Variants in ASNS observed in about 807,000 individuals in gnomAD.
ASNS encodes the protein asparagine synthetase (glutamine-hydrolyzing).
Under a neutral mutation model 62.6 loss-of-function variants are expected in ASNS, and 37 were observed. The ratio of observed to expected loss-of-function variants is 0.59; its 90% CI spans 0.45 to 0.78. ASNS has a LOEUF of 0.78. ASNS is among the 30% of genes least tolerant of loss of function. The pLI, the probability that ASNS is intolerant of heterozygous loss-of-function variation, is 0.00. For missense variants in ASNS, 520 were observed against 682.4 expected (o/e 0.76, Z 2.65); for synonymous variants, 207 against 237.9 (o/e 0.87, Z 1.19).
At chr7:97,857,729 C>G (rs781259973) in intron 7 of ASNS, among the ~76,000 whole-genome samples, 1 of 152,004 alleles carries the variant, frequency 6.6e-6, no homozygotes, top group African/African-American at 2.4e-5. Flanking sequence ...GACCTCCCCC[C>G]ACAGCCTCCC....
In ASNS at chr7:97,868,284, G is replaced by T. The variant is rs1986082; in HGVS notation, c.249+624C>A. ...GATCGCACCACTGCACTCCAGCCTG[G>T]GTGACAGAATGAGACTCTGTCTCAA... On this transcript the variant is annotated intron_variant, in intron 3 of 12. Transcript: ENST00000394308. Among the ~76,000 whole-genome samples the T allele has an allele frequency of 4.6e-5, 7 of 151,960 alleles. No individual in the cohort carries two copies. The South Asian group carries it at 1.0e-3, about 23-fold the overall frequency.
chr7:97,875,678 C>T (rs1167310896), upstream of ASNS, among the ~76,000 whole-genome samples: 2 of 152,186 alleles, frequency 1.3e-5, no homozygotes, highest in Non-Finnish European at 2.9e-5. Context: ...AAACGGATCA[C>T]AGAGTCATGA....
At chr7:97,873,664 A>G (rs1033430750), upstream of ASNS, among the ~76,000 whole-genome samples, 5 of 152,238 alleles carry the variant, frequency 3.3e-5, no homozygotes, top group African/African-American at 1.2e-4. Context: ...TGAGGGATTT[A>G]TCCAAACACA....
rs779451673 is a variant in ASNS at position 97,852,471 on chromosome 7, G to A, written c.1477-3C>T. The stretch of plus-strand genomic sequence containing the variant: ...TTTGCCATCATTGCATCATCAACCT[G>A]TAAGAATAAGCATATAAGAGCAAAA... On this transcript the variant is annotated splice_region_variant and splice_polypyrimidine_tract_variant and intron_variant, in intron 12 of 12. Coordinates refer to ENST00000394308, the MANE Select transcript of ASNS (RefSeq NM_001673.5). 2.5e-6 allele frequency: 4 copies of A among 1,614,002 alleles called. No individual in the cohort carries two copies. In the Admixed American group the frequency reaches 6.7e-5, roughly 27 times the overall value.
the ASNS span, among the ~76,000 whole-genome samples, chr7:97,896,709 T>TAC: frequency 0.012 from 451 of 36,614 alleles, 11 homozygotes; most frequent in African/African-American, 0.031. Context: ...TGTGTATATA[T>TAC]ATACACACAC....
the ASNS span, among the ~76,000 whole-genome samples, chr7:97,914,963 A>C: frequency 4.6e-5 from 7 of 152,264 alleles, no homozygotes; most frequent in African/African-American, 1.7e-4. Flanking sequence ...TCAAGAGAAG[A>C]AGTGTGAATT....
the ASNS span, among the ~76,000 whole-genome samples, chr7:97,910,117 T>A: frequency 6.6e-6 from 1 of 152,174 alleles, no homozygotes; most frequent in Admixed American, 6.5e-5. Flanking sequence ...AAAGACTAGT[T>A]CCCAACCCAG....
chr7:97,921,828 T>A, the ASNS span, among the ~76,000 whole-genome samples: 1 of 152,140 alleles, frequency 6.6e-6, no homozygotes, highest in African/African-American at 2.4e-5. Flanking sequence ...ACATCCTGGG[T>A]GGGTGCCGGA....
At chr7:97,902,521 G>T in the ASNS span, among the ~76,000 whole-genome samples, 1 of 151,894 alleles carries the variant, frequency 6.6e-6, no homozygotes, top group Non-Finnish European at 1.5e-5. Context: ...AGACCAGCCT[G>T]GGCAACATAG....
At chr7:97,909,313 T>C in the ASNS span, among the ~76,000 whole-genome samples, 1 of 121,674 alleles carries the variant, frequency 8.2e-6, no homozygotes, top group African/African-American at 3.2e-5. Flanking sequence ...TTTTTTTTTT[T>C]TTTTTTTTGA....
At chr7:97,870,161 T>G (rs1792184112) in intron 1 of ASNS, 1 of 860,618 alleles carries the variant, frequency 1.2e-6, no homozygotes, top group Non-Finnish European at 1.6e-6. Flanking sequence ...AATGACACAT[T>G]GCACCATGTG....
At chr7:97,882,538 T>TTAAATAAATAAA in the ASNS span, among the ~76,000 whole-genome samples, 3 of 130,764 alleles carry the variant, frequency 2.3e-5, no homozygotes, top group East Asian at 2.2e-4. Context: ...CAGAGAGAGA[T>TTAAATAAATAAA]TAAATAAATA....
rs17344752 is a variant in ASNS at position 97,852,614 on chromosome 7, A to G, written c.1477-146T>C. ...AATCACCCATCACTTAGAAAATGCT[A>G]AAGTATTCATAATATGGATAGCTGC... On this transcript the variant is annotated intron_variant, in intron 12 of 12. Transcript: ENST00000394308. 43,270 of 785,066 alleles carry G rather than the reference A, an allele frequency of 0.055. 1,534 individuals are homozygous for G. Among genetic ancestry groups the G allele is most frequent in the Middle Eastern group, 0.088 (243 of 2,760 alleles). 48.6% of individuals were successfully genotyped at this position (785,066 alleles called of 1,614,324 possible).
At chr7:97,910,300 G>A in the ASNS span, among the ~76,000 whole-genome samples, 2 of 152,178 alleles carry the variant, frequency 1.3e-5, no homozygotes, top group Non-Finnish European at 2.9e-5. Flanking sequence ...ATGTTCCTAA[G>A]GGTTGTAGAA....
the ASNS span, among the ~76,000 whole-genome samples, chr7:97,920,033 A>G: frequency 6.8e-6 from 1 of 148,074 alleles, no homozygotes; most frequent in Non-Finnish European, 1.5e-5. Flanking sequence ...TTTGAGATGG[A>G]ATCTTGCTCT....
chr7:97,861,651 CT>C (rs1791725150), intron 4 of ASNS, among the ~76,000 whole-genome samples: 1 of 152,164 alleles, frequency 6.6e-6, no homozygotes, highest in Non-Finnish European at 1.5e-5. Flanking sequence ...TATTCTTAGT[CT>C]CTTGCAATTC....
intron 3 of ASNS, among the ~76,000 whole-genome samples, chr7:97,865,458 T>C (rs1791918000): frequency 6.6e-6 from 1 of 152,248 alleles, no homozygotes; most frequent in Non-Finnish European, 1.5e-5. Flanking sequence ...TCCAGAGTCA[T>C]CTGCTTCATT....
Position 97,853,339 on chromosome 7 carries a change from T to G in ASNS, c.1286A>C (p.Tyr429Ser), listed in dbSNP as rs748068851. ...TCTCATTTCTGGTGGCAGAGACAAGTAATAGGAAGAAAATCGATGATCTAG... is the reference window on the plus strand; with the variant it reads ...TCTCATTTCTGGTGGCAGAGACAAGGAATAGGAAGAAAATCGATGATCTAG... ...PFLDHRFSSY[Y>S]LSLPPEMRIP... The change falls in exon 11 of 13, where the codon TAC (tyrosine) becomes TCC (serine). Residue 429 changes from tyrosine to serine, a missense_variant. By Grantham distance (144) the Tyr-to-Ser change is moderately radical. Coordinates refer to ENST00000394308, the MANE Select transcript of ASNS (RefSeq NM_001673.5). The G allele has an allele frequency of 6.2e-7, 1 of 1,613,536 alleles. No homozygotes were observed. The highest frequency in any genetic ancestry group is 8.5e-7 in the Non-Finnish European group (1 of 1,179,912).
At chr7:97,863,031 A>G (rs140557336) in intron 4 of ASNS, 1 of 152,316 alleles carries the variant, frequency 6.6e-6, no homozygotes, top group Admixed American at 6.5e-5. Flanking sequence ...ATTTTAATAC[A>G]CTGCTGGAGT....
Sources: allele counts gnomAD v4.1 joint callset (sites outside exome capture counted in the v4.1 genomes callset), GRCh38; gene constraint gnomAD v4.1.1; transcripts MANE v1.5; gene names NCBI Gene and HGNC (gene_info 2026-07-23, HGNC 2026-07-21).